DEFB136: variants seen among roughly 807,000 people sequenced by gnomAD.
The protein encoded by DEFB136 is defensin beta 136.
Under a neutral mutation model 2.4 loss-of-function variants are expected in DEFB136, and 6 were observed. That is an observed-to-expected ratio of 2.45 (90% confidence interval 1.34 to 4.84). DEFB136 has a LOEUF of 4.84. Ranked by LOEUF, DEFB136 falls within the 30% of genes most tolerant of loss-of-function variation. The pLI, the probability that DEFB136 is intolerant of heterozygous loss-of-function variation, is 0.00. For missense variants in DEFB136, 126 were observed against 98.4 expected (o/e 1.28, Z -1.19); for synonymous variants, 47 against 35.2 (o/e 1.33, Z -1.18).
chr8:11,974,350 G>C (rs761912329), intron 1 of DEFB136, among the ~76,000 whole-genome samples, 195 bp downstream of exon 1: 2 of 152,310 alleles, frequency 1.3e-5, no homozygotes, highest in Middle Eastern at 3.4e-3. Context: ...CCCCGTCCCC[G>C]GTGCACTGGC....
In DEFB136 at chr8:11,974,193, C is replaced by A. The variant is rs956660349; in HGVS notation, c.56-75G>T. On this transcript the variant is annotated intron_variant, in intron 1 of 1. Transcript: ENST00000382209. ...GGGAGAAATCCTAGGCTTGCCATCA[C>A]CTCCTGGTTGATGGCTTGTTAGTTG... 4 of 1,469,658 alleles carry A rather than the reference C, an allele frequency of 2.7e-6. No homozygotes were observed. In the African/African-American group the frequency reaches 5.7e-5, roughly 21 times the overall value. The allele number at this position is 1,469,658 out of a possible 1,614,324, so 91.0% of individuals were successfully genotyped here.
intron 1 of DEFB136, 102 bp from the exon 2 acceptor site, chr8:11,974,220 G>A: frequency 1.4e-6 from 2 of 1,379,428 alleles, no homozygotes; most frequent in Non-Finnish European, 2.0e-6. Flanking sequence ...TGTTAGTTGT[G>A]ATTTACCTCA....
Position 11,973,941 on chromosome 8 carries a change from T to C in DEFB136, c.233A>G (p.His78Arg), listed in dbSNP as rs752206698. 7.0e-6 allele frequency: 11 copies of C among 1,579,282 alleles called. No individual in the cohort carries two copies. In the African/African-American group the frequency reaches 1.2e-4, roughly 18 times the overall value. ...TTGAGCCATTCACATATCCTTTTAA[T>C]GAACCCATGGATCTTTGGCTTGCGG... ...QPPQAKDPWV[H>R] is the part of the protein sequence containing the mutation. The change falls in exon 2 of 2, where the codon CAT becomes CGT. Residue 78 changes from histidine (H) to arginine (R), a missense_variant. Physicochemically the swap from His to Arg is conservative, Grantham distance 29. Coordinates refer to ENST00000382209, the MANE Select transcript of DEFB136 (RefSeq NM_001033018.2).
intron 1 of DEFB136, 90 bp downstream of exon 1, chr8:11,974,455 G>A (rs1417351543): frequency 1.6e-5 from 24 of 1,480,202 alleles, no homozygotes; most frequent in Non-Finnish European, 2.2e-5. Context: ...TTGGTGTCCT[G>A]TTGCTGGGCT....
Position 11,974,544 on chromosome 8 carries a change from C to G in DEFB136, c.55+1G>C. On this transcript the variant is annotated splice_donor_variant, in intron 1 of 1. Coordinates refer to ENST00000382209, the MANE Select transcript of DEFB136 (RefSeq NM_001033018.2). LOFTEE classifies it high-confidence loss of function. ...GTTCAGACTCACGCCCACTGTCTTACCTGAAGGCAGTAAGATCACCAGGAA... is the reference window on the plus strand; with the variant it reads ...GTTCAGACTCACGCCCACTGTCTTAGCTGAAGGCAGTAAGATCACCAGGAA... 1 of 1,614,074 alleles carries G rather than the reference C, an allele frequency of 6.2e-7. No homozygotes were observed. Among genetic ancestry groups the G allele is most frequent in the Non-Finnish European group, 8.5e-7 (1 of 1,179,968 alleles).
In DEFB136 at chr8:11,974,111, AC is replaced by A. The variant is rs753640429; in HGVS notation, c.62del (p.Gly21ValfsTer44). 1 of 1,568,088 alleles carries A rather than the reference AC, an allele frequency of 6.4e-7. No homozygotes were observed. Among genetic ancestry groups the A allele is most frequent in the South Asian group, 1.2e-5 (1 of 83,226 alleles). On this transcript the variant is annotated frameshift_variant, in exon 2 of 2. Coordinates refer to ENST00000382209, the MANE Select transcript of DEFB136 (RefSeq NM_001033018.2). LOFTEE classifies it low-confidence loss of function (END_TRUNC). ...FLVILLPSGK[G>X]MFGNDGVKVR... is the part of the protein sequence containing the mutation. ...CTTTGACTCCATCATTCCCAAACAT[AC>A]CTTTTCCTGAAGCGGGGAGAGACCA...
At position 11,974,584 on chromosome 8, in the gene DEFB136, A is replaced by C; in HGVS notation, c.16T>G (p.Ser6Ala). 1 of 1,614,152 alleles carries C rather than the reference A, an allele frequency of 6.2e-7. No individual in the cohort carries two copies. Among genetic ancestry groups the C allele is most frequent in the Non-Finnish European group, 8.5e-7 (1 of 1,180,006 alleles). The change falls in exon 1 of 2, where the codon TCT (serine) becomes GCT (alanine). Residue 6 changes from serine (S) to alanine (A), a missense_variant. Physicochemically the swap from Ser to Ala is moderately conservative, Grantham distance 99. Coordinates refer to ENST00000382209, the MANE Select transcript of DEFB136 (RefSeq NM_001033018.2). MNLCL[S>A]ALLFFLVILL... ...ATCACCAGGAAAAAGAGTAATGCAGAAAGACAGAGGTTCATGGCCGAAGAG... is the reference window on the plus strand; with the variant it reads ...ATCACCAGGAAAAAGAGTAATGCAGCAAGACAGAGGTTCATGGCCGAAGAG...
rs746893199 is a variant in DEFB136, at chr8:11,973,986, T to G, written c.188A>C (p.Asn63Thr). The change falls in exon 2 of 2, where the codon AAT becomes ACT. Residue 63 changes from asparagine (N) to threonine (T), a missense_variant. Transcript: ENST00000382209. The stretch of plus-strand genomic sequence containing the variant: ...TTGCGGGGGTTGAAAACGTGTCATA[T>G]TTTTACAGCAAGACAGAATATTGTG... ...FCHNILSCCK[N>T]MTRFQPPQAK... is the part of the protein sequence containing the mutation. The G allele has an allele frequency of 5.6e-6, 9 of 1,607,574 alleles. No individual in the cohort carries two copies. The South Asian group carries it at 1.0e-4, about 18-fold the overall frequency.
chr8:11,974,433 GC>G, intron 1 of DEFB136, 111 bp downstream of exon 1: 5 of 1,284,634 alleles, frequency 3.9e-6, no homozygotes, highest in Middle Eastern at 1.9e-4. Flanking sequence ...TAACATGGTG[GC>G]CCATTTGATA....
At chr8:11,974,189 A>G (rs1799548749) in intron 1 of DEFB136, 71 bp from the exon 2 acceptor site, 8 of 1,484,478 alleles carry the variant, frequency 5.4e-6, no homozygotes, top group South Asian at 1.4e-5. Context: ...TAGGCTTGCC[A>G]TCACCTCCTG....
chr8:11,974,260 A>T, intron 1 of DEFB136, 142 bp from the exon 2 acceptor site: 1 of 1,182,140 alleles, frequency 8.5e-7, no homozygotes, highest in South Asian at 1.6e-5. Context: ...AAGGCAGATA[A>T]AGCTCAGGGT....
rs370372469 is a variant in DEFB136 at position 11,974,054 on chromosome 8, A to G, written c.120T>C (p.Cys40=). Reference sequence around the variant, plus strand: ...TGTATCCTGGCGGACACCCGAAGAAACATACGGCTTTCTGGCTAGTGCAGG... The same window carrying G: ...TGTATCCTGGCGGACACCCGAAGAAGCATACGGCTTTCTGGCTAGTGCAGG... ...VRTCTSQKAV[C]FFGCPPGYRW... The change falls in exon 2 of 2, where the codon TGT becomes TGC. Residue 40 remains cysteine (C), a synonymous_variant. Coordinates refer to ENST00000382209, the MANE Select transcript of DEFB136 (RefSeq NM_001033018.2). 9 of 1,609,562 alleles carry G rather than the reference A, an allele frequency of 5.6e-6. No individual in the cohort carries two copies. Among genetic ancestry groups the G allele is most frequent in the Non-Finnish European group, 6.8e-6 (8 of 1,178,046 alleles).
chr8:11,974,112 C>T lies in DEFB136; in HGVS notation c.62G>A (p.Gly21Asp). ...FLVILLPSGK[G>D]MFGNDGVKVR... is the part of the protein sequence containing the mutation. ...TTTGACTCCATCATTCCCAAACATA[C>T]CTTTTCCTGAAGCGGGGAGAGACCA... is the stretch of plus-strand genomic sequence containing the variant. The change falls in exon 2 of 2, where the codon GGT becomes GAT. Residue 21 changes from glycine (G) to aspartate (D), a missense_variant. Gly to Asp is a moderately conservative substitution (Grantham distance 94). Coordinates refer to ENST00000382209, the MANE Select transcript of DEFB136 (RefSeq NM_001033018.2). 1 of 1,567,252 alleles carries T rather than the reference C, an allele frequency of 6.4e-7. No homozygotes were observed. The highest frequency in any genetic ancestry group is 8.6e-7 in the Non-Finnish European group (1 of 1,158,330).
Position 11,974,312 on chromosome 8 carries a change from C to A in DEFB136, c.56-194G>T, listed in dbSNP as rs993788169. Among the ~76,000 whole-genome samples, 4 of 152,154 alleles carry A rather than the reference C, an allele frequency of 2.6e-5. No homozygotes were observed. The East Asian group carries it at 5.8e-4, about 22-fold the overall frequency. On this transcript the variant is annotated intron_variant, in intron 1 of 1. Coordinates refer to ENST00000382209, the MANE Select transcript of DEFB136 (RefSeq NM_001033018.2). The stretch of plus-strand genomic sequence containing the variant: ...GGGGAGATAGGAATCTGGGTGGCTG[C>A]ACGATCTGTGTGCACAATGACATCC...
intron 1 of DEFB136, 151 bp downstream of exon 1, chr8:11,974,394 C>G (rs538522956): frequency 4.7e-5 from 47 of 990,622 alleles, no homozygotes; most frequent in Non-Finnish European, 7.1e-5. Flanking sequence ...CAGAGCAGGG[C>G]AGGAGCTGGG....
rs577766560 is a variant in DEFB136 at position 11,974,594 on chromosome 8, G to A, written c.6C>T (p.Asn2=). 2.5e-6 allele frequency: 4 copies of A among 1,614,048 alleles called. No individual in the cohort carries two copies. In the South Asian group the frequency reaches 3.3e-5, roughly 13 times the overall value. Residue 2 remains asparagine, a synonymous_variant, in exon 1 of 2, where the codon AAC becomes AAT. Transcript: ENST00000382209. Reference sequence around the variant, plus strand: ...AAAAGAGTAATGCAGAAAGACAGAGGTTCATGGCCGAAGAGGGCACAGAGT... The same window carrying A: ...AAAAGAGTAATGCAGAAAGACAGAGATTCATGGCCGAAGAGGGCACAGAGT... M[N]LCLSALLFFL...
chr8:11,974,400 C>A (rs1799553223), intron 1 of DEFB136, 145 bp downstream of exon 1: 1 of 1,017,606 alleles, frequency 9.8e-7, no homozygotes, highest in Non-Finnish European at 1.5e-6. Flanking sequence ...AGGGCAGGAG[C>A]TGGGGTCCGC....
chr8:11,974,438 T>C (rs1167148014), intron 1 of DEFB136, 107 bp downstream of exon 1: 6 of 1,327,008 alleles, frequency 4.5e-6, no homozygotes, highest in African/African-American at 4.4e-5. Context: ...TGGTGGCCCA[T>C]TTGATATTGG....
chr8:11,974,522 C>T, intron 1 of DEFB136, 23 bp downstream of exon 1: 2 of 1,613,556 alleles, frequency 1.2e-6, no homozygotes, highest in Non-Finnish European at 1.7e-6. Context: ...CTTTTATGTT[C>T]AGACTCACGC....
Sources: gnomAD v4.1 joint callset for allele counts (sites outside exome capture counted in the v4.1 genomes callset) on GRCh38, gnomAD v4.1.1 for gene constraint, MANE v1.5 for transcripts, NCBI Gene and HGNC (gene_info 2026-07-23, HGNC 2026-07-21) for gene names.